Variants in CALN1 observed in about 807,000 individuals in gnomAD.
The protein encoded by CALN1 is calcium-binding protein 8.
Under a neutral mutation model 30.6 loss-of-function variants are expected in CALN1, and 17 were observed. The observed-to-expected ratio is 0.56, with a 90% CI of 0.38 to 0.83. The LOEUF (loss-of-function observed/expected upper bound fraction) is 0.83, where lower values mean the gene tolerates loss of function less well. CALN1 is among the 40% of genes least tolerant of loss of function. The probability of loss-of-function intolerance (pLI) is 0.00; values close to 1 mark genes in which losing one functional copy is unlikely to be tolerated. For missense variants in CALN1, 291 were observed against 354.9 expected, an observed-to-expected ratio of 0.82 and a Z score of 1.45; for synonymous variants, 156 against 131.4, an observed-to-expected ratio of 1.19 and a Z score of -1.28.
At chr7:72,444,438 GA>G (rs959453528) in intron 1 of CALN1, among the ~76,000 whole-genome samples, 2 of 152,158 alleles carry the variant, frequency 1.3e-5, no homozygotes, top group African/African-American at 4.8e-5. Context: ...TAAACTGAGT[GA>G]GAATTGGTTT....
chr7:72,003,094 GC>G (rs1389829129), intron 5 of CALN1, among the ~76,000 whole-genome samples: 1 of 152,096 alleles, frequency 6.6e-6, no homozygotes, highest in Non-Finnish European at 1.5e-5. Flanking sequence ...GCTTGATTTA[GC>G]CATTCCACAA....
At chr7:71,864,236 A>C (rs567130801) in intron 5 of CALN1, among the ~76,000 whole-genome samples, 11 of 152,334 alleles carry the variant, frequency 7.2e-5, no homozygotes, top group East Asian at 1.9e-4. Context: ...TGAGGATGGG[A>C]TATCACTCCC....
chr7:72,234,392 A>C (rs1794335557), intron 3 of CALN1, among the ~76,000 whole-genome samples: 1 of 151,998 alleles, frequency 6.6e-6, no homozygotes. Context: ...TCTCCTGAAT[A>C]TTGTTGGCTT....
At chr7:72,195,806 C>A (rs1790947311) in intron 3 of CALN1, among the ~76,000 whole-genome samples, 1 of 152,130 alleles carries the variant, frequency 6.6e-6, no homozygotes, top group East Asian at 1.9e-4. Context: ...AAAATGAAGT[C>A]ATTAGAAGTT....
At chr7:72,133,430 TCTTA>T (rs970556622) in intron 3 of CALN1, among the ~76,000 whole-genome samples, 8 of 152,202 alleles carry the variant, frequency 5.3e-5, no homozygotes, top group African/African-American at 1.9e-4. Context: ...AAGACAAGGC[TCTTA>T]CTTACAGAAT....
chr7:71,955,862 T>C (rs879784443), intron 5 of CALN1, among the ~76,000 whole-genome samples: 3 of 152,054 alleles, frequency 2.0e-5, no homozygotes, highest in Non-Finnish European at 2.9e-5. Flanking sequence ...CTAAGAGGGC[T>C]TGAGGGCTGA....
intron 1 of CALN1, among the ~76,000 whole-genome samples, chr7:72,420,395 G>A (rs1284053525): frequency 1.3e-5 from 2 of 152,006 alleles, no homozygotes; most frequent in East Asian, 1.9e-4. Context: ...ATTTTGCTGA[G>A]TAGATGCTGG....
intron 3 of CALN1, among the ~76,000 whole-genome samples, chr7:72,218,992 C>T (rs1793064183): frequency 2.0e-5 from 3 of 152,140 alleles, no homozygotes; most frequent in South Asian, 2.1e-4. Flanking sequence ...ACTGCAGATG[C>T]CATGAGAAGC....
intron 3 of CALN1, among the ~76,000 whole-genome samples, chr7:72,247,396 C>T (rs1485537418): frequency 6.6e-6 from 1 of 151,096 alleles, no homozygotes; most frequent in Non-Finnish European, 1.5e-5. Context: ...TACAGGTGCC[C>T]GCCACCACGC....
At chr7:72,042,198 CGTTAG>C (rs1482456672) in intron 4 of CALN1, among the ~76,000 whole-genome samples, 1 of 152,160 alleles carries the variant, frequency 6.6e-6, no homozygotes, top group Non-Finnish European at 1.5e-5. Context: ...ACCTAACCCA[CGTTAG>C]GTGGGTGGGC....
chr7:72,299,211 T>G (rs2129555495), intron 2 of CALN1, among the ~76,000 whole-genome samples: 1 of 152,218 alleles, frequency 6.6e-6, no homozygotes, highest in East Asian at 1.9e-4. Context: ...CCTTTTATTC[T>G]TATACTCCAA....
At chr7:72,118,882 G>A (rs926681634) in intron 3 of CALN1, among the ~76,000 whole-genome samples, 1 of 152,178 alleles carries the variant, frequency 6.6e-6, no homozygotes, top group African/African-American at 2.4e-5. Flanking sequence ...ACAGCTGCAA[G>A]TCCAGAGGAT....
intron 5 of CALN1, among the ~76,000 whole-genome samples, chr7:71,944,614 A>AAG (rs1472517635): frequency 9.1e-4 from 137 of 150,804 alleles, no homozygotes; most frequent in Non-Finnish European, 1.6e-3. Context: ...AAAAAAAAAA[A>AAG]AAAGAAAGAA....
intron 3 of CALN1, among the ~76,000 whole-genome samples, chr7:72,152,113 C>G (rs1464170777): frequency 6.6e-6 from 1 of 151,830 alleles, no homozygotes; most frequent in African/African-American, 2.4e-5. Flanking sequence ...ACCATGTTGG[C>G]CAGGCTGGTC....
intron 5 of CALN1, among the ~76,000 whole-genome samples, chr7:71,907,176 T>C (rs1364376211): frequency 1.3e-5 from 2 of 152,118 alleles, no homozygotes; most frequent in Non-Finnish European, 2.9e-5. Flanking sequence ...TCATAAAGTA[T>C]GGTCCAGGGA....
chr7:71,861,839 T>G (rs1791305321), intron 5 of CALN1, among the ~76,000 whole-genome samples: 1 of 151,382 alleles, frequency 6.6e-6, no homozygotes, highest in South Asian at 2.1e-4. Flanking sequence ...TGATTGGGTT[T>G]CCTGCTTTAA....
intron 3 of CALN1, among the ~76,000 whole-genome samples, chr7:72,267,015 G>A (rs1562815361): frequency 6.6e-6 from 1 of 152,230 alleles, no homozygotes; most frequent in Non-Finnish European, 1.5e-5. Context: ...TTATTGGGAT[G>A]ATGATGTGGC....
At chr7:72,341,013 T>C (rs1328292816) in intron 2 of CALN1, among the ~76,000 whole-genome samples, 3 of 151,942 alleles carry the variant, frequency 2.0e-5, no homozygotes, top group African/African-American at 7.2e-5. Context: ...CTCAGCTATG[T>C]CTTTATCAGC....
At chr7:72,192,689 G>T (rs1260118321) in intron 3 of CALN1, among the ~76,000 whole-genome samples, 1 of 148,796 alleles carries the variant, frequency 6.7e-6, no homozygotes, top group African/African-American at 2.5e-5. Flanking sequence ...TAAGTTTTAG[G>T]GTACATGTGC....
Sources: allele counts gnomAD v4.1 joint callset (sites outside exome capture counted in the v4.1 genomes callset), GRCh38; gene constraint gnomAD v4.1.1; transcripts MANE v1.5; gene names NCBI Gene and HGNC (gene_info 2026-07-23, HGNC 2026-07-21).